Variants in XIAP observed in about 807,000 individuals in gnomAD.
The protein encoded by XIAP is E3 ubiquitin-protein ligase XIAP.
A neutral mutation model predicts 33.1 loss-of-function variants in XIAP; 3 were observed. The observed-to-expected ratio is 0.09, with a 90% CI of 0.04 to 0.23. The LOEUF is 0.23. Among genes scored for constraint, XIAP ranks in the 10% least tolerant of loss-of-function variants. The pLI, the probability that XIAP is intolerant of heterozygous loss-of-function variation, is 1.00. For synonymous variants in XIAP, 98 were observed against 121.3 expected, an observed-to-expected ratio of 0.81 and a Z score of 1.26; for missense variants, 264 against 363.0, an observed-to-expected ratio of 0.73 and a Z score of 2.22.
chrX:123,861,426 T>C (rs878908632), intron 1 of XIAP, among the ~76,000 whole-genome samples: 1 of 110,903 alleles, frequency 9.0e-6, no homozygotes, highest in African/African-American at 3.3e-5. Context: ...GTACTTGAGA[T>C]TCCCCCCCAC....
At position 123,897,586 on chromosome X, in the gene XIAP, G is replaced by A. The variant is rs189317525; in HGVS notation, c.1100-2907G>A. The stretch of plus-strand genomic sequence containing the variant: ...AGACTTTTTTTTTTTTTCCGGAGAC[G>A]GAGCCTCGCTCTGTCACCCAGGCTG... On this transcript the variant is annotated intron_variant, in intron 5 of 6. Transcript: ENST00000371199. 5.9e-3 allele frequency among the ~76,000 whole-genome samples: 651 copies of A among 109,662 alleles called. 5 individuals carry two copies. The highest frequency in any genetic ancestry group is 0.02 in the African/African-American group (608 of 30,127).
rs1037365608 is a variant in XIAP, at chrX:123,860,076, C to T, written c.-250C>T. ...TTGAGGCCCTGACGTGGACACACTT[C>T]GGGTTTCACGACTCCGGGTTTCTCC... On this transcript the variant is annotated 5_prime_UTR_variant, in exon 1 of 7. Transcript: ENST00000371199. 446 of 328,234 alleles carry T rather than the reference C, an allele frequency of 1.4e-3. 2 individuals carry two copies. The highest frequency in any genetic ancestry group is 8.5e-4 in the Non-Finnish European group (145 of 169,670). The allele number at this position is 328,234 out of a possible 1,213,427, so 27.1% of individuals were successfully genotyped here. A position where few individuals can be genotyped will look rare whatever the true frequency, so the allele number is the denominator to read the frequency against.
At chrX:123,864,767 CGTGTGTGTGTGTGTGTGTGTGTGTGT>C (rs752421505) in intron 1 of XIAP, among the ~76,000 whole-genome samples, 13 of 52,644 alleles carry the variant, frequency 2.5e-4, no homozygotes, top group African/African-American at 3.9e-4. Flanking sequence ...GTCGCATTCT[CGTGTGTGTGTGTGTGTGTGTGTGTGT>C]GTGTGTGTGT....
At chrX:123,894,993 T>TAAAA (rs1157299742) in intron 5 of XIAP, among the ~76,000 whole-genome samples, 8 of 103,842 alleles carry the variant, frequency 7.7e-5, no homozygotes, top group African/African-American at 2.4e-4. Flanking sequence ...AATAAATAAA[T>TAAAA]AAAACATAAA....
At chrX:123,868,792 A>G (rs1037595352) in intron 1 of XIAP, among the ~76,000 whole-genome samples, 2 of 111,935 alleles carry the variant, frequency 1.8e-5, no homozygotes, top group East Asian at 2.8e-4. Flanking sequence ...TCTGCTCTGT[A>G]TGTGGTTAAT....
chrX:123,867,286 C>T (rs2053150412), intron 1 of XIAP, among the ~76,000 whole-genome samples: 1 of 106,045 alleles, frequency 9.4e-6, no homozygotes, highest in Admixed American at 1.0e-4. Flanking sequence ...GTCTCCATCT[C>T]CTGACCTCGT....
At chrX:123,884,421 T>G (rs995631031) in intron 1 of XIAP, among the ~76,000 whole-genome samples, 52 of 107,289 alleles carry the variant, frequency 4.8e-4, no homozygotes, top group Non-Finnish European at 6.5e-4. Flanking sequence ...GAGGCGGAGG[T>G]CGCATGAACC....
At chrX:123,887,141 ACTC>A (rs1224994203) in intron 2 of XIAP, among the ~76,000 whole-genome samples, 1 of 110,007 alleles carries the variant, frequency 9.1e-6, no homozygotes, top group African/African-American at 3.3e-5. Context: ...CTGGTCTCAA[ACTC>A]CTGACCTCAG....
intron 1 of XIAP, among the ~76,000 whole-genome samples, chrX:123,867,769 G>GT (rs1175634358): frequency 1.9e-5 from 2 of 106,620 alleles, no homozygotes; most frequent in African/African-American, 6.9e-5. Context: ...TGCCTCCTGG[G>GT]TTTAAGTGAT....
rs1362330139 is a variant in XIAP at position 123,911,628 on chromosome X, T to C, written c.*4447T>C. On this transcript the variant is annotated 3_prime_UTR_variant, in exon 7 of 7. Coordinates refer to ENST00000371199, the MANE Select transcript of XIAP (RefSeq NM_001167.4). ...ATGAATTTGAGGCAGCAGTGAGCTATGATTGTGCCACTGTACTCCAGTCTG... is the reference window on the plus strand; with the variant it reads ...ATGAATTTGAGGCAGCAGTGAGCTACGATTGTGCCACTGTACTCCAGTCTG... The C allele has an allele frequency of 6.2e-6, 2 of 321,513 alleles. No individual in the cohort carries two copies. Among genetic ancestry groups the C allele is most frequent in the African/African-American group, 5.3e-5 (2 of 37,473 alleles). 26.5% of individuals were successfully genotyped at this position (321,513 alleles called of 1,213,427 possible).
rs1431809519 is a variant in XIAP, at chrX:123,867,101, G to A, written c.-33+6808G>A. On this transcript the variant is annotated intron_variant, in intron 1 of 6. Transcript: ENST00000371199. The stretch of plus-strand genomic sequence containing the variant: ...GTTTTTTTTTTTGAGACGGAGTCTC[G>A]CTCTGTCGCCCAGGCTGGAGTGCAG... Among the ~76,000 whole-genome samples the A allele has an allele frequency of 8.4e-5, 7 of 83,257 alleles. No individual in the cohort carries two copies. In the Admixed American group the frequency reaches 1.1e-3, roughly 13 times the overall value. The allele number at this position is 83,257 out of a possible 115,157, so 72.3% of individuals were successfully genotyped here. A position where few individuals can be genotyped will look rare whatever the true frequency, so the allele number is the denominator to read the frequency against.
chrX:123,900,613 T>C lies in XIAP; in HGVS notation c.1220T>C (p.Leu407Pro). 1.7e-6 allele frequency: 2 copies of C among 1,211,284 alleles called. No homozygotes were observed. The highest frequency in any genetic ancestry group is 3.0e-5 in the East Asian group (1 of 33,842). Residue 407 changes from leucine to proline, a missense_variant, in exon 6 of 7, where the codon CTT (leucine) becomes CCT (proline). Coordinates refer to ENST00000371199, the MANE Select transcript of XIAP (RefSeq NM_001167.4). ...ATATCTGGGAGCAACTATAAATCACTTGAGGTTCTGGTTGCAGATCTAGTG... is the reference window on the plus strand; with the variant it reads ...ATATCTGGGAGCAACTATAAATCACCTGAGGTTCTGGTTGCAGATCTAGTG... ...IQISGSNYKS[L>P]EVLVADLVNA... is the part of the protein sequence containing the mutation.
intron 5 of XIAP, among the ~76,000 whole-genome samples, chrX:123,897,180 G>A (rs1413316161): frequency 9.3e-6 from 1 of 107,518 alleles, no homozygotes; most frequent in East Asian, 3.0e-4. Context: ...CGCCTGCCTC[G>A]GACTCCCAAA....
intron 1 of XIAP, among the ~76,000 whole-genome samples, chrX:123,880,442 A>T (rs1315781714): frequency 3.2e-4 from 33 of 104,438 alleles, no homozygotes; most frequent in Admixed American, 1.2e-3. Flanking sequence ...ACCCTAATAA[A>T]AAAAAAAAAA....
In XIAP at chrX:123,910,035, C is replaced by A. The variant is rs182881964; in HGVS notation, c.*2854C>A. The A allele has an allele frequency of 6.1e-6, 2 of 327,629 alleles. No homozygotes were observed. Among genetic ancestry groups the A allele is most frequent in the East Asian group, 1.9e-4 (2 of 10,270 alleles). The allele number at this position is 327,629 out of a possible 1,213,427, so 27.0% of individuals were successfully genotyped here. ...CTGTATAAAGTTCACTCTAGGATTT[C>A]AAGTCACCACTTATTTTACATTTTA... On this transcript the variant is annotated 3_prime_UTR_variant, in exon 7 of 7. Transcript: ENST00000371199.
rs777129433 is a variant in XIAP at position 123,886,268 on chromosome X, T to C, written c.606T>C (p.Cys202=). The C allele has an allele frequency of 3.3e-6, 4 of 1,210,523 alleles. No homozygotes were observed. Among genetic ancestry groups the C allele is most frequent in the Non-Finnish European group, 4.5e-6 (4 of 895,405 alleles). The change falls in exon 2 of 7, where the codon TGT becomes TGC. Residue 202 remains cysteine (C), a synonymous_variant. Coordinates refer to ENST00000371199, the MANE Select transcript of XIAP (RefSeq NM_001167.4). ...TGIGDQVQCF[C]CGGKLKNWEP... ...TTGGTGACCAAGTGCAGTGCTTTTG[T>C]TGTGGTGGAAAACTGAAAAATTGGG...
At chrX:123,903,702 A>G (rs1283421009) in intron 6 of XIAP, among the ~76,000 whole-genome samples, 1 of 101,301 alleles carries the variant, frequency 9.9e-6, no homozygotes, top group Admixed American at 1.1e-4. Context: ...CATCTTAACC[A>G]TTTTTAGTGT....
At chrX:123,892,664 T>A in intron 4 of XIAP, 67 bp from the exon 5 acceptor site, 1 of 944,881 alleles carries the variant, frequency 1.1e-6, no homozygotes, top group Non-Finnish European at 1.5e-6. Flanking sequence ...TTAATTTCAC[T>A]TTTCAAATGG....
At chrX:123,869,733 C>G (rs2053176581) in intron 1 of XIAP, among the ~76,000 whole-genome samples, 1 of 111,659 alleles carries the variant, frequency 9.0e-6, no homozygotes, top group Non-Finnish European at 1.9e-5. Flanking sequence ...GGTGCATGAC[C>G]TTTGATGAGT....
Sources: allele counts gnomAD v4.1 joint callset (sites outside exome capture counted in the v4.1 genomes callset), GRCh38; gene constraint gnomAD v4.1.1; transcripts MANE v1.5; gene names NCBI Gene and HGNC (gene_info 2026-07-23, HGNC 2026-07-21).